The following TENM3 variants were observed in gnomAD, a reference collection of about 807,000 sequenced individuals.
The protein encoded by TENM3 is teneurin-3.
In TENM3, 63 loss-of-function variants were observed where a neutral mutation model predicts 255.1. That is an observed-to-expected ratio of 0.25 (90% CI 0.20 to 0.30). The LOEUF (loss-of-function observed/expected upper bound fraction) is 0.30. TENM3 is among the 10% of genes least tolerant of loss of function. TENM3 has a pLI of 1.00. For missense variants in TENM3, 2,929 were observed against 3,461.1 expected (o/e 0.85, Z 3.86); for synonymous variants, 1,306 against 1,322.3 (o/e 0.99, Z 0.27).
chr4:181,779,487 A>G, the TENM3 span, among the ~76,000 whole-genome samples: 3 of 151,844 alleles, frequency 2.0e-5, no homozygotes, highest in South Asian at 6.2e-4. Context: ...AAAAAGTTCT[A>G]TCCTTTCTTT....
intron 6 of TENM3, among the ~76,000 whole-genome samples, chr4:182,670,645 G>A (rs1462263893): frequency 2.0e-5 from 3 of 152,142 alleles, no homozygotes; most frequent in Non-Finnish European, 4.4e-5. Flanking sequence ...AGTCCAGATG[G>A]AAAGCAATTC....
the TENM3 span, among the ~76,000 whole-genome samples, chr4:181,652,393 A>G: frequency 1.3e-5 from 2 of 152,198 alleles, no homozygotes; most frequent in East Asian, 3.9e-4. Context: ...ACTCTCTACG[A>G]AAGTCTGTGT....
chr4:182,187,477 C>G (rs1430832746), intron 1 of TENM3, among the ~76,000 whole-genome samples: 1 of 152,134 alleles, frequency 6.6e-6, no homozygotes, highest in Non-Finnish European at 1.5e-5. Context: ...AATTCGCCAA[C>G]TCTCCCCAAA....
intron 1 of TENM3, among the ~76,000 whole-genome samples, chr4:182,210,255 T>A (rs373214851): frequency 2.0e-5 from 3 of 152,258 alleles, no homozygotes; most frequent in East Asian, 3.9e-4. Context: ...GCTACAGATT[T>A]CACTTCACTT....
chr4:181,803,177 A>G, the TENM3 span, among the ~76,000 whole-genome samples: 1 of 152,216 alleles, frequency 6.6e-6, no homozygotes, highest in Non-Finnish European at 1.5e-5. Context: ...CACTAACTCA[A>G]TTAGACCCAA....
intron 1 of TENM3, among the ~76,000 whole-genome samples, chr4:182,156,766 T>G (rs185952868): frequency 3.9e-5 from 6 of 151,912 alleles, no homozygotes; most frequent in Non-Finnish European, 7.4e-5. Flanking sequence ...ATTTATAGTG[T>G]GTGCTTTACT....
At chr4:182,542,916 T>C (rs556254796) in intron 3 of TENM3, among the ~76,000 whole-genome samples, 1 of 152,348 alleles carries the variant, frequency 6.6e-6, no homozygotes, top group South Asian at 2.1e-4. Flanking sequence ...TCGTGGTAGA[T>C]GTGAAGAACA....
the TENM3 span, among the ~76,000 whole-genome samples, chr4:181,861,299 AT>A: frequency 6.6e-6 from 1 of 152,158 alleles, no homozygotes; most frequent in African/African-American, 2.4e-5. Context: ...AGTCTTTTCC[AT>A]GAAAGAAGGT....
At chr4:182,458,431 A>G (rs1228699356) in intron 3 of TENM3, among the ~76,000 whole-genome samples, 1 of 152,072 alleles carries the variant, frequency 6.6e-6, no homozygotes, top group East Asian at 1.9e-4. Flanking sequence ...GTCAACTAAA[A>G]CCTTCCGGTT....
chr4:181,920,577 G>C, the TENM3 span, among the ~76,000 whole-genome samples: 1 of 152,240 alleles, frequency 6.6e-6, no homozygotes, highest in East Asian at 1.9e-4. Context: ...TTTTAATGGG[G>C]TTGTTTGTTT....
the TENM3 span, among the ~76,000 whole-genome samples, chr4:181,571,405 T>C: frequency 6.6e-6 from 1 of 152,160 alleles, no homozygotes; most frequent in Non-Finnish European, 1.5e-5. Flanking sequence ...GATGCGATCA[T>C]AGTTCACTAT....
At chr4:182,038,284 C>T in the TENM3 span, among the ~76,000 whole-genome samples, 2 of 152,144 alleles carry the variant, frequency 1.3e-5, no homozygotes, top group East Asian at 3.9e-4. Flanking sequence ...CAATGATTTC[C>T]GCTAACTAGG....
chr4:182,307,557 C>G (rs1203503353), intron 1 of TENM3, among the ~76,000 whole-genome samples: 2 of 152,146 alleles, frequency 1.3e-5, no homozygotes, highest in African/African-American at 4.8e-5. Flanking sequence ...AATTTAAAAT[C>G]CTCCTGACAT....
chr4:182,459,083 C>A (rs193044298), intron 3 of TENM3, among the ~76,000 whole-genome samples: 1 of 152,258 alleles, frequency 6.6e-6, no homozygotes, highest in Non-Finnish European at 1.5e-5. Context: ...AGGCATTCCT[C>A]ATTTTGATGA....
chr4:182,542,318 G>A (rs190227225), intron 3 of TENM3, among the ~76,000 whole-genome samples: 1 of 152,254 alleles, frequency 6.6e-6, no homozygotes, highest in African/African-American at 2.4e-5. Context: ...CTCTTTAGCA[G>A]ACGATTTTCC....
the TENM3 span, among the ~76,000 whole-genome samples, chr4:182,108,298 T>C: frequency 2.0e-5 from 3 of 152,210 alleles, no homozygotes; most frequent in African/African-American, 7.2e-5. Flanking sequence ...AATTCACATT[T>C]AGGGCTTTAA....
chr4:182,230,864 T>C (rs1756527297), intron 1 of TENM3, among the ~76,000 whole-genome samples: 1 of 106,314 alleles, frequency 9.4e-6, no homozygotes, highest in African/African-American at 3.5e-5. Flanking sequence ...ATATCCCCCT[T>C]CTACCTCCTG....
At chr4:182,482,319 T>C (rs1338323457) in intron 3 of TENM3, among the ~76,000 whole-genome samples, 1 of 152,172 alleles carries the variant, frequency 6.6e-6, no homozygotes, top group Non-Finnish European at 1.5e-5. Context: ...GTAAACCTAG[T>C]TATTAATATG....
chr4:182,282,824 C>T (rs1760472786), intron 1 of TENM3, among the ~76,000 whole-genome samples: 1 of 140,350 alleles, frequency 7.1e-6, no homozygotes, highest in Non-Finnish European at 1.5e-5. Context: ...ACCCAGGAGA[C>T]AAAGGTTGTG....
Sources: gnomAD v4.1 joint callset for allele counts (sites outside exome capture counted in the v4.1 genomes callset) on GRCh38, gnomAD v4.1.1 for gene constraint, MANE v1.5 for transcripts, NCBI Gene and HGNC (gene_info 2026-07-23, HGNC 2026-07-21) for gene names.